The following RABGAP1L variants were observed in gnomAD, a reference collection of about 807,000 sequenced individuals.
RABGAP1L encodes the protein RAB GTPase activating protein 1 like.
In RABGAP1L, 63 loss-of-function variants were observed where a neutral mutation model predicts 137.7. That is an observed-to-expected ratio of 0.46 (90% CI 0.37 to 0.56). The LOEUF (loss-of-function observed/expected upper bound fraction) is 0.56, where lower values mean the gene tolerates loss of function less well. Ranked by LOEUF, RABGAP1L falls within the 20% of genes least tolerant of loss-of-function variation. The pLI is 0.00. For missense variants in RABGAP1L, 1,095 were observed against 1,244.0 expected, an observed-to-expected ratio of 0.88 and a Z score of 1.80; for synonymous variants, 431 against 433.7, an observed-to-expected ratio of 0.99 and a Z score of 0.08.
intron 1 of RABGAP1L, among the ~76,000 whole-genome samples, chr1:174,217,015 G>A (rs952290051): frequency 2.0e-5 from 3 of 152,080 alleles, no homozygotes; most frequent in Admixed American, 6.6e-5. Context: ...GTAGATAAGA[G>A]CATTGTTTGG....
At chr1:174,731,619 T>C (rs1682483895) in intron 17 of RABGAP1L, among the ~76,000 whole-genome samples, 1 of 152,250 alleles carries the variant, frequency 6.6e-6, no homozygotes, top group Non-Finnish European at 1.5e-5. Flanking sequence ...AATTTTCTTT[T>C]CCTTGCCATT....
intron 2 of RABGAP1L, among the ~76,000 whole-genome samples, chr1:174,219,515 G>A (rs1400011764): frequency 6.6e-6 from 1 of 151,460 alleles, no homozygotes; most frequent in Non-Finnish European, 1.5e-5. Context: ...AAGAATAAAA[G>A]AAGAAAAAGA....
intron 19 of RABGAP1L, among the ~76,000 whole-genome samples, chr1:174,946,913 A>T (rs1272655075): frequency 1.9e-5 from 1 of 51,624 alleles, no homozygotes; most frequent in Non-Finnish European, 3.6e-5. Flanking sequence ...AAAAAAAAAA[A>T]AAAAATATAT....
At chr1:174,177,214 C>T (rs377443871) in intron 1 of RABGAP1L, among the ~76,000 whole-genome samples, 1 of 152,258 alleles carries the variant, frequency 6.6e-6, no homozygotes, top group Non-Finnish European at 1.5e-5. Context: ...TTTTGATTTG[C>T]GTTTCTCTAA....
chr1:174,753,901 ACTTAT>A, intron 18 of RABGAP1L, among the ~76,000 whole-genome samples: 1 of 152,198 alleles, frequency 6.6e-6, no homozygotes, highest in East Asian at 1.9e-4. Flanking sequence ...TTTTTTGGTG[ACTTAT>A]CTTTACTAGT....
chr1:174,378,040 G>C (rs1293198942), intron 12 of RABGAP1L, among the ~76,000 whole-genome samples: 1 of 142,248 alleles, frequency 7.0e-6, no homozygotes, highest in East Asian at 2.0e-4. Flanking sequence ...GCGGTGTTTG[G>C]TTTTTTGTTC....
At chr1:174,328,657 C>G (rs1483523078) in intron 11 of RABGAP1L, among the ~76,000 whole-genome samples, 1 of 152,080 alleles carries the variant, frequency 6.6e-6, no homozygotes, top group Non-Finnish European at 1.5e-5. Flanking sequence ...GTAGTCCCAG[C>G]TACTTGGGAG....
chr1:174,811,258 T>A (rs1573313258), intron 18 of RABGAP1L, among the ~76,000 whole-genome samples: 1 of 152,204 alleles, frequency 6.6e-6, no homozygotes, highest in East Asian at 1.9e-4. Context: ...TCAGAAGAGA[T>A]CAGTAGTTAG....
chr1:174,391,360 C>T (rs758374346), intron 12 of RABGAP1L, among the ~76,000 whole-genome samples: 2 of 152,186 alleles, frequency 1.3e-5, no homozygotes, highest in Non-Finnish European at 2.9e-5. Flanking sequence ...CAGAGTTTCA[C>T]TCTGATGCCC....
Position 174,800,517 on chromosome 1 carries a change from T to C in RABGAP1L, c.2212-11315T>C, listed in dbSNP as rs1001137106. On this transcript the variant is annotated intron_variant, in intron 18 of 25. Coordinates refer to ENST00000681986, the MANE Select transcript of RABGAP1L (RefSeq NM_001366446.1). The stretch of plus-strand genomic sequence containing the variant: ...CTTCTGGCGGTGAGATTGTTTTTCA[T>C]TGAACTTCATTTGTAGGGAATCTGC... 10 of 1,549,430 alleles carry C rather than the reference T, an allele frequency of 6.5e-6. No individual in the cohort carries two copies. The African/African-American group carries it at 8.2e-5, about 13-fold the overall frequency.
chr1:174,239,254 G>T (rs1374482588), intron 4 of RABGAP1L, among the ~76,000 whole-genome samples: 1 of 152,196 alleles, frequency 6.6e-6, no homozygotes, highest in African/African-American at 2.4e-5. Context: ...GGGAGCTGTA[G>T]ACCGGAGCTG....
chr1:174,974,022 T>G (rs1670422946), intron 21 of RABGAP1L, among the ~76,000 whole-genome samples: 1 of 136,520 alleles, frequency 7.3e-6, no homozygotes, highest in Non-Finnish European at 1.5e-5. Context: ...GGAGTCTCGC[T>G]CTGTCGCCCA....
Position 174,448,572 on chromosome 1 carries a change from C to T in RABGAP1L, c.1710+54427C>T. The T allele has an allele frequency of 1.2e-6, 2 of 1,613,788 alleles. No individual in the cohort carries two copies. Among genetic ancestry groups the T allele is most frequent in the African/African-American group, 2.7e-5 (2 of 75,014 alleles). ...CCTCTTTCCTACAATCAACTGGTCA[C>T]CCCTTGTCGCTTGAGAATTTGCATT... is the stretch of plus-strand genomic sequence containing the variant. On this transcript the variant is annotated intron_variant, in intron 13 of 25. Transcript: ENST00000681986. The surrounding 1 kb of genome is among the most constrained non-coding windows in gnomAD (Gnocchi z 4.2).
intron 11 of RABGAP1L, among the ~76,000 whole-genome samples, chr1:174,349,945 TG>T (rs1444940850): frequency 2.5e-5 from 3 of 122,292 alleles, no homozygotes; most frequent in Non-Finnish European, 1.7e-5. Context: ...ACGGGGCGGC[TG>T]GCCGGGTGGG....
intron 13 of RABGAP1L, among the ~76,000 whole-genome samples, chr1:174,460,355 T>C (rs1656541896): frequency 6.6e-6 from 1 of 152,112 alleles, no homozygotes; most frequent in Non-Finnish European, 1.5e-5. Flanking sequence ...CGCATAGTTC[T>C]CTACCCAAAT....
rs372595404 is a variant in RABGAP1L at position 174,828,605 on chromosome 1, C to T, written c.2340+16645C>T. Among the ~76,000 whole-genome samples the T allele has an allele frequency of 1.6e-3, 243 of 148,534 alleles. 14 individuals carry two copies. Among genetic ancestry groups the T allele is most frequent in the African/African-American group, 5.6e-3 (230 of 40,754 alleles). ...CTCCTTCGAGTATGAGTTTCCTCAT[C>T]GTGAAACAAGGCTAATACCTACTGC... is the stretch of plus-strand genomic sequence containing the variant. On this transcript the variant is annotated intron_variant, in intron 19 of 25. Transcript: ENST00000681986.
chr1:174,601,900 A>G (rs1004090921), intron 13 of RABGAP1L, among the ~76,000 whole-genome samples: 2 of 152,164 alleles, frequency 1.3e-5, no homozygotes, highest in African/African-American at 2.4e-5. Flanking sequence ...CTGAAACATA[A>G]TAAGAGTCAC....
At chr1:174,936,625 C>A (rs1319121078) in intron 19 of RABGAP1L, among the ~76,000 whole-genome samples, 2 of 152,066 alleles carry the variant, frequency 1.3e-5, no homozygotes, top group Non-Finnish European at 2.9e-5. Context: ...TTGAAGCATT[C>A]TTTGAATTGG....
At chr1:174,201,829 G>A (rs1306393773) in intron 1 of RABGAP1L, among the ~76,000 whole-genome samples, 21 of 125,568 alleles carry the variant, frequency 1.7e-4, no homozygotes, top group African/African-American at 6.3e-4. Flanking sequence ...AGTCCCCGGT[G>A]TGTAATGTTC....
Sources: gnomAD v4.1 joint callset for allele counts (sites outside exome capture counted in the v4.1 genomes callset) on GRCh38, gnomAD v4.1.1 for gene constraint, Gnocchi (gnomAD v3.1) non-coding constraint, MANE v1.5 for transcripts, NCBI Gene and HGNC (gene_info 2026-07-23, HGNC 2026-07-21) for gene names.